The following ITGA8 variants were observed in gnomAD, a reference collection of about 807,000 sequenced individuals.
ITGA8 encodes the protein integrin alpha-8.
A neutral mutation model predicts 142.3 loss-of-function variants in ITGA8; 91 were observed. That is an observed-to-expected ratio of 0.64 (90% CI 0.54 to 0.76). The LOEUF is 0.76. Among genes scored for constraint, ITGA8 ranks in the 30% least tolerant of loss-of-function variants. ITGA8 has a pLI of 0.00. For missense variants in ITGA8, 1,406 were observed against 1,327.7 expected (o/e 1.06, Z -0.92); for synonymous variants, 505 against 485.2 (o/e 1.04, Z -0.54).
At chr10:15,546,638 C>T (rs4748181) in intron 27 of ITGA8, among the ~76,000 whole-genome samples, 28,347 of 149,038 alleles carry the variant, frequency 0.19, 3,421 homozygotes, top group African/African-American at 0.35. Flanking sequence ...TGGTCTAAAA[C>T]GTTAATAGTG....
chr10:15,573,820 G>A (rs1834232807), intron 24 of ITGA8, among the ~76,000 whole-genome samples: 1 of 151,788 alleles, frequency 6.6e-6, no homozygotes, highest in South Asian at 2.1e-4. Context: ...TTCCCTGCCT[G>A]GTCCCTTGAA....
In ITGA8 at chr10:15,694,288, AATATATCATATATAT is replaced by A. The variant is rs1327107402; in HGVS notation, c.344-6265_344-6251del. Among the ~76,000 whole-genome samples, 79 of 127,972 alleles carry A rather than the reference AATATATCATATATAT, an allele frequency of 6.2e-4. 2 individuals are homozygous for A. The highest frequency in any genetic ancestry group is 2.5e-3 in the African/African-American group (74 of 29,400). The allele number at this position is 127,972 out of a possible 152,430, so 84.0% of individuals were successfully genotyped here. ...TCAGATAATATATCATACATCAGAT[AATATATCATATATAT>A]GATAATATATCATATATATGATAAT... On this transcript the variant is annotated intron_variant, in intron 2 of 29. Transcript: ENST00000378076.
At chr10:15,639,487 C>A (rs1833832236) in intron 13 of ITGA8, among the ~76,000 whole-genome samples, 1 of 152,200 alleles carries the variant, frequency 6.6e-6, no homozygotes, top group African/African-American at 2.4e-5. Flanking sequence ...AGATAACATG[C>A]ATGCACACTG....
chr10:15,713,786 A>G (rs771023252), intron 2 of ITGA8, among the ~76,000 whole-genome samples: 8 of 152,192 alleles, frequency 5.3e-5, no homozygotes, highest in African/African-American at 1.2e-4. Flanking sequence ...CGCAATTCCA[A>G]CAAAAACCTT....
In ITGA8 at chr10:15,705,037, G is replaced by A. The variant is rs186611365; in HGVS notation, c.343+13729C>T. On this transcript the variant is annotated intron_variant, in intron 2 of 29. Transcript: ENST00000378076. ...TTTTTTTAAAGTCACCATTCCCAAT[G>A]TTACACAAAATAGGTACCCCAGAAT... is the stretch of plus-strand genomic sequence containing the variant. Among the ~76,000 whole-genome samples the A allele has an allele frequency of 1.4e-4, 21 of 151,998 alleles. 1 individual carries two copies. The East Asian group carries it at 4.1e-3, about 30-fold the overall frequency.
At chr10:15,660,055 A>G (rs1046838939) in intron 9 of ITGA8, among the ~76,000 whole-genome samples, 5 of 152,244 alleles carry the variant, frequency 3.3e-5, no homozygotes, top group Non-Finnish European at 7.3e-5. Context: ...AGTTAAATTT[A>G]TAATAAAATA....
At chr10:15,587,378 T>G (rs1481090203) in intron 22 of ITGA8, among the ~76,000 whole-genome samples, 1 of 152,178 alleles carries the variant, frequency 6.6e-6, no homozygotes, top group African/African-American at 2.4e-5. Flanking sequence ...TGATTTTCCT[T>G]GCTAATAAAG....
intron 13 of ITGA8, among the ~76,000 whole-genome samples, chr10:15,621,808 A>G (rs947634202): frequency 6.6e-6 from 1 of 152,128 alleles, no homozygotes; most frequent in Non-Finnish European, 1.5e-5. Flanking sequence ...TTGAGATTGC[A>G]GTGAGCTATG....
At chr10:15,634,549 T>A (rs1294719193) in intron 13 of ITGA8, among the ~76,000 whole-genome samples, 4 of 152,164 alleles carry the variant, frequency 2.6e-5, no homozygotes, top group Non-Finnish European at 5.9e-5. Context: ...GAGAGCAGGA[T>A]CTTTGTTTAA....
At chr10:15,578,617 T>C (rs1233106140) in intron 23 of ITGA8, among the ~76,000 whole-genome samples, 4 of 152,140 alleles carry the variant, frequency 2.6e-5, no homozygotes, top group African/African-American at 9.7e-5. Flanking sequence ...TTCAAATCCT[T>C]GTTTTCAAAC....
chr10:15,657,169 T>C (rs544069020), intron 10 of ITGA8, among the ~76,000 whole-genome samples: 5 of 152,326 alleles, frequency 3.3e-5, no homozygotes, highest in South Asian at 2.1e-4. Context: ...CTAGGTGGTA[T>C]TGAGGAGAGG....
Position 15,628,621 on chromosome 10 carries a change from C to T in ITGA8, c.1400-12062G>A, listed in dbSNP as rs2084775. On this transcript the variant is annotated intron_variant, in intron 13 of 29. Transcript: ENST00000378076. ...TGCTGGGATTACAGGTGTGAGCCAC[C>T]GCGCCCGGCCAGATTCACCTCTACT... is the stretch of plus-strand genomic sequence containing the variant. Among the ~76,000 whole-genome samples, 1,051 of 151,824 alleles carry T rather than the reference C, an allele frequency of 6.9e-3. 25 individuals carry two copies. Among genetic ancestry groups the T allele is most frequent in the African/African-American group, 0.023 (963 of 41,250 alleles).
chr10:15,682,235 A>T (rs1474212272), intron 4 of ITGA8, among the ~76,000 whole-genome samples: 2 of 152,096 alleles, frequency 1.3e-5, no homozygotes, highest in African/African-American at 4.8e-5. Flanking sequence ...ATTTATTTAC[A>T]TGTTTACTGT....
At chr10:15,540,631 G>T (rs551604748) in intron 27 of ITGA8, among the ~76,000 whole-genome samples, 1 of 152,330 alleles carries the variant, frequency 6.6e-6, no homozygotes, top group African/African-American at 2.4e-5. Flanking sequence ...GCCAAATGTC[G>T]TAACAAACAT....
At chr10:15,626,468 C>T (rs1833584738) in intron 13 of ITGA8, among the ~76,000 whole-genome samples, 1 of 152,168 alleles carries the variant, frequency 6.6e-6, no homozygotes, top group East Asian at 1.9e-4. Context: ...ATCCTCCCAC[C>T]TTGGCCTCCC....
chr10:15,634,044 G>C (rs566168126), intron 13 of ITGA8, among the ~76,000 whole-genome samples: 2 of 152,138 alleles, frequency 1.3e-5, no homozygotes, highest in African/African-American at 4.8e-5. Context: ...TGCTCATGCT[G>C]TGTTCCCCTT....
chr10:15,686,394 C>A (rs1331043068), intron 3 of ITGA8, among the ~76,000 whole-genome samples: 1 of 152,226 alleles, frequency 6.6e-6, no homozygotes, highest in African/African-American at 2.4e-5. Context: ...AAGTCTACAT[C>A]ATGAAGCATT....
chr10:15,605,854 G>C, intron 18 of ITGA8, 63 bp from the exon 19 acceptor site: 1 of 1,460,288 alleles, frequency 6.8e-7, no homozygotes, highest in Non-Finnish European at 9.6e-7. Flanking sequence ...CCTTTTTCTT[G>C]AAAATTCTGA....
In ITGA8 at chr10:15,613,669, G is replaced by A. The variant is rs746556051; in HGVS notation, c.1544C>T (p.Ser515Phe). 97 of 1,609,040 alleles carry A rather than the reference G, an allele frequency of 6.0e-5. No individual in the cohort carries two copies. Among genetic ancestry groups the A allele is most frequent in the Non-Finnish European group, 8.0e-5 (94 of 1,175,560 alleles). The stretch of plus-strand genomic sequence containing the variant: ...CACCGGACTAACTCACCAGGCAGCA[G>A]ATGTCATAGAGTCTGGAACCTGGCA... ...KTCQVPDSMT[S>F]AACFSLRVCA... Residue 515 changes from serine to phenylalanine, a missense_variant, in exon 15 of 30, where the codon TCT (serine) becomes TTT (phenylalanine). Physicochemically the swap from Ser to Phe is radical, Grantham distance 155. Transcript: ENST00000378076.
Sources: allele counts gnomAD v4.1 joint callset (sites outside exome capture counted in the v4.1 genomes callset), GRCh38; gene constraint gnomAD v4.1.1; transcripts MANE v1.5; gene names NCBI Gene and HGNC (gene_info 2026-07-23, HGNC 2026-07-21).